The following METRNL variants were observed in gnomAD, a reference collection of about 807,000 sequenced individuals.
METRNL encodes meteorin like, glial cell differentiation regulator.
In METRNL, 9 loss-of-function variants were observed where a neutral mutation model predicts 17.4. The ratio of observed to expected loss-of-function variants is 0.52; its 90% confidence interval spans 0.31 to 0.90. The LOEUF is 0.90. METRNL is among the 40% of genes least tolerant of loss of function. METRNL has a pLI of 0.05. For synonymous variants in METRNL, 215 were observed against 199.3 expected (o/e 1.08, Z -0.66); for missense variants, 408 against 430.7 (o/e 0.95, Z 0.47).
Position 83,094,460 on chromosome 17 carries a change from A to G in METRNL, c.821A>G (p.His274Arg), listed in dbSNP as rs371983063. Residue 274 changes from histidine to arginine, a missense_variant, in exon 4 of 4, where the codon CAC becomes CGC. Physicochemically the swap from His to Arg is conservative, Grantham distance 29. Coordinates refer to ENST00000320095, the MANE Select transcript of METRNL (RefSeq NM_001004431.3). ...CATGGCGACTTCCTCTTCACTGGCC[A>G]CATGCACTTCGGGGAGGCGCGGCTC... ...PGHGDFLFTG[H>R]MHFGEARLGC... 1 of 1,591,804 alleles carries G rather than the reference A, an allele frequency of 6.3e-7. No homozygotes were observed. Among genetic ancestry groups the G allele is most frequent in the Non-Finnish European group, 8.6e-7 (1 of 1,163,722 alleles).
At chr17:83,093,508 T>C (rs2038165679) in intron 3 of METRNL, among the ~76,000 whole-genome samples, 1 of 152,230 alleles carries the variant, frequency 6.6e-6, no homozygotes, top group Non-Finnish European at 1.5e-5. Context: ...GAGGGGACTC[T>C]TGAAGTCCAC....
chr17:83,089,488 C>G (rs900630900), intron 2 of METRNL, among the ~76,000 whole-genome samples: 1 of 152,112 alleles, frequency 6.6e-6, no homozygotes. Context: ...TAACACCTGC[C>G]GTGCAATCTA....
chr17:83,093,276 A>T, intron 3 of METRNL, 50 bp downstream of exon 3: 1 of 1,509,622 alleles, frequency 6.6e-7, no homozygotes. Flanking sequence ...GGTTTCTGCC[A>T]CATGGAGCTG....
At chr17:83,086,173 C>T (rs1044760070) in intron 2 of METRNL, among the ~76,000 whole-genome samples, 5 of 152,210 alleles carry the variant, frequency 3.3e-5, no homozygotes, top group Admixed American at 1.3e-4. Flanking sequence ...GCCTCGGACT[C>T]GGGTGTACAG....
chr17:83,085,304 G>T lies in METRNL; in HGVS notation c.537G>T (p.Ser179=). Residue 179 remains serine (S), a synonymous_variant, in exon 2 of 4, where the codon TCG becomes TCT. Transcript: ENST00000320095. Reference sequence around the variant, plus strand: ...AGCTGGTTAGGAGGCACAGGGCGTCGGACCTGCACGAGCTGTCTGGTGAGT... The same window carrying T: ...AGCTGGTTAGGAGGCACAGGGCGTCTGACCTGCACGAGCTGTCTGGTGAGT... The part of the protein sequence containing the change: ...QYELVRRHRA[S]DLHELSAPCR... 2.0e-6 allele frequency: 3 copies of T among 1,530,012 alleles called. No homozygotes were observed. The highest frequency in any genetic ancestry group is 2.6e-6 in the Non-Finnish European group (3 of 1,137,910). The allele number at this position is 1,530,012 out of a possible 1,614,324, so 94.8% of individuals were successfully genotyped here.
rs539423502 is a variant in METRNL at position 83,094,955 on chromosome 17, C to T, written c.*380C>T. The stretch of plus-strand genomic sequence containing the variant: ...TGGGTGAAGCACTGGCCGTTGGGCA[C>T]AGTGGATGTGTGAAAAGGTGCCATT... On this transcript the variant is annotated 3_prime_UTR_variant, in exon 4 of 4. Coordinates refer to ENST00000320095, the MANE Select transcript of METRNL (RefSeq NM_001004431.3). The T allele has an allele frequency of 1.3e-5, 3 of 225,586 alleles. No homozygotes were observed. Among genetic ancestry groups the T allele is most frequent in the African/African-American group, 6.8e-5 (3 of 44,418 alleles). 14.0% of individuals were successfully genotyped at this position (225,586 alleles called of 1,614,324 possible).
At chr17:83,081,038 C>T (rs1187206966) in intron 1 of METRNL, among the ~76,000 whole-genome samples, 1 of 151,652 alleles carries the variant, frequency 6.6e-6, no homozygotes, top group Non-Finnish European at 1.5e-5. Flanking sequence ...CAGTCGCCCC[C>T]CAGCGCCCCC....
At chr17:83,084,734 G>C in intron 1 of METRNL, 1 of 569,660 alleles carries the variant, frequency 1.8e-6, no homozygotes, top group Admixed American at 3.6e-5. Flanking sequence ...GGAAGGAACT[G>C]GGTGGGGCCC....
chr17:83,082,174 ACTTGCTGT>A, intron 1 of METRNL: 1 of 985,422 alleles, frequency 1.0e-6, no homozygotes. Flanking sequence ...GAACTTTCCC[ACTTGCTGT>A]CAGCCCGGGC....
chr17:83,085,209 C>T lies in METRNL; in HGVS notation c.442C>T (p.Gln148Ter). ...CCGGGTGCAGTGTTTTGGCCTGGAG[C>T]AGGGCGGCCTGTTCGTGGAGGCCAC... ...PGRVQCFGLE[Q>*]GGLFVEATPQ... is the part of the protein sequence containing the mutation. Residue 148 changes from glutamine (Q) to a stop codon, truncating the protein, a stop_gained, in exon 2 of 4, where the codon CAG becomes TAG. Transcript: ENST00000320095. LOFTEE classifies it high-confidence loss of function. 1 of 1,604,628 alleles carries T rather than the reference C, an allele frequency of 6.2e-7. No individual in the cohort carries two copies. Among genetic ancestry groups the T allele is most frequent in the African/African-American group, 1.3e-5 (1 of 74,734 alleles).
intron 2 of METRNL, among the ~76,000 whole-genome samples, chr17:83,090,066 G>T (rs1307128836): frequency 6.6e-6 from 1 of 151,932 alleles, no homozygotes; most frequent in Non-Finnish European, 1.5e-5. Flanking sequence ...ATACCCTCAC[G>T]CGCCCAGGCC....
chr17:83,089,334 G>A (rs189732883), intron 2 of METRNL, among the ~76,000 whole-genome samples: 1 of 152,244 alleles, frequency 6.6e-6, no homozygotes, highest in Non-Finnish European at 1.5e-5. Context: ...CTGTGTGGGA[G>A]ACCCAGTAAT....
chr17:83,085,653 G>C (rs2038044354), intron 2 of METRNL, among the ~76,000 whole-genome samples: 1 of 152,208 alleles, frequency 6.6e-6, no homozygotes, highest in East Asian at 1.9e-4. Flanking sequence ...AGTGTTTCGG[G>C]CGGCATGGCC....
Position 83,079,924 on chromosome 17 carries a change from G to A in METRNL, c.109G>A (p.Ala37Thr). 3.0e-6 allele frequency: 3 copies of A among 1,006,050 alleles called. No individual in the cohort carries two copies. The highest frequency in any genetic ancestry group is 3.5e-6 in the Non-Finnish European group (3 of 845,274). The allele number at this position is 1,006,050 out of a possible 1,614,324, so 62.3% of individuals were successfully genotyped here. ...PPLPLLLLLL[A>T]GLLGGAGAQY... ...GCTCCCGCTGCTGCTCCTGCTCCTG[G>A]CCGGGCTGCTGGGCGGCGCGGGCGC... Residue 37 changes from alanine (A) to threonine (T), a missense_variant, in exon 1 of 4, where the codon GCC becomes ACC. Physicochemically the swap from Ala to Thr is moderately conservative, Grantham distance 58 (BLOSUM62 0). Coordinates refer to ENST00000320095, the MANE Select transcript of METRNL (RefSeq NM_001004431.3).
chr17:83,090,039 G>A (rs903928486), intron 2 of METRNL, among the ~76,000 whole-genome samples: 5 of 152,018 alleles, frequency 3.3e-5, no homozygotes, highest in African/African-American at 1.2e-4. Context: ...CACAGAGGGC[G>A]AAGTGCTAGG....
intron 3 of METRNL, 137 bp downstream of exon 3, chr17:83,093,363 C>T (rs770652206): frequency 1.4e-6 from 1 of 691,712 alleles, no homozygotes; most frequent in East Asian, 2.8e-5. Flanking sequence ...GGGGCACACG[C>T]TGTGGAAGCC....
intron 3 of METRNL, among the ~76,000 whole-genome samples, chr17:83,094,032 A>T (rs924237768): frequency 6.6e-6 from 1 of 152,224 alleles, no homozygotes; most frequent in Non-Finnish European, 1.5e-5. Flanking sequence ...CCCTTGGTAG[A>T]AAGGGCACCT....
intron 2 of METRNL, among the ~76,000 whole-genome samples, chr17:83,092,721 G>C (rs1381377882): frequency 6.6e-6 from 1 of 152,178 alleles, no homozygotes; most frequent in Non-Finnish European, 1.5e-5. Context: ...GTTCGGTTCA[G>C]CCCCAGTGGG....
At chr17:83,081,780 CG>C (rs2037992339) in intron 1 of METRNL, among the ~76,000 whole-genome samples, 1 of 152,192 alleles carries the variant, frequency 6.6e-6, no homozygotes, top group African/African-American at 2.4e-5. Flanking sequence ...ACACGGGGCC[CG>C]GCTGTGTTTC....
Sources: allele counts gnomAD v4.1 joint callset (sites outside exome capture counted in the v4.1 genomes callset), GRCh38; gene constraint gnomAD v4.1.1; transcripts MANE v1.5; gene names NCBI Gene and HGNC (gene_info 2026-07-23, HGNC 2026-07-21).